Variants in RORA observed in about 807,000 individuals in gnomAD.
RORA encodes RAR related orphan receptor A.
Under a neutral mutation model 69.5 loss-of-function variants are expected in RORA, and 7 were observed. The ratio of observed to expected loss-of-function variants is 0.10; its 90% CI spans 0.06 to 0.19. RORA has a LOEUF of 0.19. Ranked by LOEUF, RORA falls within the 10% of genes least tolerant of loss-of-function variation. The pLI is 1.00. For synonymous variants in RORA, 261 were observed against 240.8 expected, an observed-to-expected ratio of 1.08 and a Z score of -0.78; for missense variants, 457 against 663.0, an observed-to-expected ratio of 0.69 and a Z score of 3.41.
intron 1 of RORA, among the ~76,000 whole-genome samples, chr15:60,969,006 C>G (rs528153959): frequency 9.2e-5 from 14 of 152,136 alleles, no homozygotes; most frequent in Non-Finnish European, 1.9e-4. Flanking sequence ...TTTTAAAATA[C>G]GTCCCTCAAT....
chr15:61,112,537 G>T (rs1331255930), intron 1 of RORA, among the ~76,000 whole-genome samples: 3 of 152,178 alleles, frequency 2.0e-5, no homozygotes, highest in South Asian at 2.1e-4. Flanking sequence ...AAAGAGAAAG[G>T]TTGAGGCCAG....
intron 2 of RORA, among the ~76,000 whole-genome samples, chr15:60,539,044 G>A (rs959729372): frequency 2.0e-5 from 3 of 150,092 alleles, no homozygotes; most frequent in Admixed American, 1.3e-4. Flanking sequence ...ACCATCAAGA[G>A]ATCAAACATT....
intron 1 of RORA, among the ~76,000 whole-genome samples, chr15:61,129,664 T>C (rs1367431360): frequency 6.6e-6 from 1 of 152,218 alleles, no homozygotes; most frequent in East Asian, 1.9e-4. Context: ...TGGGTTCTAA[T>C]GAATGACAGT....
chr15:60,504,211 T>C (rs919425396), intron 6 of RORA, among the ~76,000 whole-genome samples: 1 of 152,188 alleles, frequency 6.6e-6, no homozygotes, highest in African/African-American at 2.4e-5. Context: ...TACTATGAGC[T>C]AGGCGCTTTA....
At chr15:60,763,559 G>A (rs2071932431) in intron 1 of RORA, among the ~76,000 whole-genome samples, 2 of 152,278 alleles carry the variant, frequency 1.3e-5, no homozygotes, top group Admixed American at 6.5e-5. Context: ...AGAGAACCCA[G>A]TCATTAAGGA....
chr15:60,657,719 C>A (rs1355033130), intron 2 of RORA, among the ~76,000 whole-genome samples: 3 of 151,964 alleles, frequency 2.0e-5, no homozygotes, highest in African/African-American at 7.2e-5. Context: ...AGGCATACTT[C>A]AAGAAAAAAA....
chr15:60,649,044 C>T (rs1044664399), intron 2 of RORA, among the ~76,000 whole-genome samples: 10 of 152,122 alleles, frequency 6.6e-5, no homozygotes, highest in Non-Finnish European at 1.2e-4. Context: ...TCTCAGAAGC[C>T]GATAAGGCTG....
intron 2 of RORA, among the ~76,000 whole-genome samples, chr15:60,587,168 T>C (rs2068359834): frequency 1.3e-5 from 2 of 152,228 alleles, no homozygotes; most frequent in South Asian, 4.1e-4. Context: ...CATGGTATTC[T>C]GTATTCTTGG....
rs553814407 is a variant in RORA, at chr15:60,623,122, T to C, written c.196+55535A>G. Among the ~76,000 whole-genome samples the C allele has an allele frequency of 3.7e-4, 56 of 152,244 alleles. No homozygotes were observed. In the South Asian group the frequency reaches 0.011, roughly 30 times the overall value. ...CTTGCCTCACTTATTCACTCCCTTC[T>C]TTTTTTCCCTGAAACCTTGAAATTT... On this transcript the variant is annotated intron_variant, in intron 2 of 10. Transcript: ENST00000335670.
chr15:61,020,159 G>C (rs1895456510), intron 1 of RORA, among the ~76,000 whole-genome samples: 1 of 152,130 alleles, frequency 6.6e-6, no homozygotes, highest in Non-Finnish European at 1.5e-5. Flanking sequence ...TCCGAATTTT[G>C]CAAGTTTGAA....
At chr15:60,563,341 A>C (rs1248480175) in intron 2 of RORA, among the ~76,000 whole-genome samples, 1 of 152,180 alleles carries the variant, frequency 6.6e-6, no homozygotes, top group Non-Finnish European at 1.5e-5. Context: ...CTCTTCTTGC[A>C]CTTTGGCCTA....
At chr15:60,952,003 AC>A (rs1431508207) in intron 1 of RORA, among the ~76,000 whole-genome samples, 1 of 149,988 alleles carries the variant, frequency 6.7e-6, no homozygotes, top group African/African-American at 2.5e-5. Flanking sequence ...AGAATTTTAG[AC>A]CAATATCCTT....
At chr15:60,940,633 G>T (rs12439161) in intron 1 of RORA, among the ~76,000 whole-genome samples, 33,196 of 152,106 alleles carry the variant, frequency 0.22, 4,247 homozygotes, top group East Asian at 0.5. Flanking sequence ...GCTTATAACT[G>T]GATTACATTG....
rs544857987 is a variant in RORA at position 60,815,430 on chromosome 15, G to A, written c.167-136744C>T. On this transcript the variant is annotated intron_variant, in intron 1 of 10. Transcript: ENST00000335670. ...CCCTCAGCAGAGTCCTTAAAACAGC[G>A]CCTGGCCAAGGGGGACCTCTTTCAA... Among the ~76,000 whole-genome samples the A allele has an allele frequency of 6.3e-4, 96 of 152,146 alleles. 1 individual carries two copies. Among genetic ancestry groups the A allele is most frequent in the African/African-American group, 2.0e-3 (85 of 41,492 alleles).
chr15:61,214,863 CTTTTTTTTTTT>C (rs34041868), intron 1 of RORA, among the ~76,000 whole-genome samples: 1 of 107,090 alleles, frequency 9.3e-6, no homozygotes, highest in African/African-American at 3.8e-5. Flanking sequence ...CCTTCTTGGA[CTTTTTTTTTTT>C]TTTTTTTTTG....
At chr15:61,018,455 A>C (rs1204932055) in intron 1 of RORA, among the ~76,000 whole-genome samples, 3 of 152,204 alleles carry the variant, frequency 2.0e-5, no homozygotes, top group Non-Finnish European at 2.9e-5. Flanking sequence ...TATAAATGTA[A>C]GGTGTCACTG....
At chr15:61,090,774 C>G (rs188253874) in intron 1 of RORA, among the ~76,000 whole-genome samples, 75 of 152,240 alleles carry the variant, frequency 4.9e-4, no homozygotes, top group Admixed American at 1.0e-3. Flanking sequence ...AATCAGTGGT[C>G]TCCAGCTACC....
chr15:61,126,947 G>A lies in RORA; in HGVS notation c.166+102106C>T, dbSNP rs76728341. Reference sequence around the variant, plus strand: ...TTTATTCTTCCAATATATTTTTGGCGGAGAACAAATTGCCCTGGGAGAGGT... The same window carrying A: ...TTTATTCTTCCAATATATTTTTGGCAGAGAACAAATTGCCCTGGGAGAGGT... On this transcript the variant is annotated intron_variant, in intron 1 of 10. Coordinates refer to ENST00000335670, the MANE Select transcript of RORA (RefSeq NM_134261.3). Among the ~76,000 whole-genome samples the A allele has an allele frequency of 5.5e-3, 838 of 152,282 alleles. 6 individuals are homozygous for A. The highest frequency in any genetic ancestry group is 0.019 in the African/African-American group (797 of 41,552).
Position 61,040,129 on chromosome 15 carries a change from T to G in RORA, c.166+188924A>C, listed in dbSNP as rs1482140584. Among the ~76,000 whole-genome samples the G allele has an allele frequency of 4.4e-3, 373 of 85,154 alleles. 8 individuals are homozygous for G. Among genetic ancestry groups the G allele is most frequent in the African/African-American group, 0.013 (351 of 26,348 alleles). 55.9% of individuals were successfully genotyped at this position (85,154 alleles called of 152,430 possible). ...ACAAGCTTTGATATATATATATATA[T>G]ATATATATATATATATATATATATA... On this transcript the variant is annotated intron_variant, in intron 1 of 10. Transcript: ENST00000335670.
Sources: gnomAD v4.1 joint callset for allele counts (sites outside exome capture counted in the v4.1 genomes callset) on GRCh38, gnomAD v4.1.1 for gene constraint, MANE v1.5 for transcripts, NCBI Gene and HGNC (gene_info 2026-07-23, HGNC 2026-07-21) for gene names.